NLRP11: variants seen among roughly 807,000 people sequenced by gnomAD.
The protein encoded by NLRP11 is NACHT, LRR and PYD domains-containing protein 11.
A neutral mutation model predicts 79.3 loss-of-function variants in NLRP11; 53 were observed. That is an observed-to-expected ratio of 0.67 (90% CI 0.54 to 0.84). The LOEUF (loss-of-function observed/expected upper bound fraction) is 0.84. NLRP11 is among the 40% of genes least tolerant of loss of function. NLRP11 has a pLI of 0.00. For synonymous variants in NLRP11, 518 were observed against 462.6 expected (o/e 1.12, Z -1.54); for missense variants, 1,264 against 1,255.0 (o/e 1.01, Z -0.11).
chr19:55,804,318 G>GT (rs1230023247), intron 4 of NLRP11, among the ~76,000 whole-genome samples: 1 of 152,164 alleles, frequency 6.6e-6, no homozygotes, highest in Non-Finnish European at 1.5e-5. Flanking sequence ...GCACATGAAT[G>GT]TTCAATGCAG....
intron 2 of NLRP11, among the ~76,000 whole-genome samples, chr19:55,813,910 A>T (rs1311732361): frequency 6.6e-6 from 1 of 152,106 alleles, no homozygotes; most frequent in Non-Finnish European, 1.5e-5. Context: ...TGAAACCCTC[A>T]GTAGATAGTG....
intron 1 of NLRP11, among the ~76,000 whole-genome samples, chr19:55,822,886 A>G (rs1981916979): frequency 6.6e-6 from 1 of 152,226 alleles, no homozygotes; most frequent in Non-Finnish European, 1.5e-5. Flanking sequence ...AGCAGCCAGG[A>G]AGCTGGAACT....
At chr19:55,820,567 G>A (rs550463747) in intron 1 of NLRP11, among the ~76,000 whole-genome samples, 12 of 152,186 alleles carry the variant, frequency 7.9e-5, no homozygotes, top group East Asian at 3.9e-4. Flanking sequence ...GCTGGACTTC[G>A]GAGAGTAATC....
intron 5 of NLRP11, among the ~76,000 whole-genome samples, chr19:55,797,245 G>A (rs1028484470): frequency 3.3e-5 from 5 of 152,040 alleles, no homozygotes. Flanking sequence ...GCTGCAGTGA[G>A]CTATGATCAT....
Position 55,809,103 on chromosome 19 carries a change from T to G in NLRP11, c.1507A>C (p.Arg503=). The change falls in exon 3 of 10, where the codon AGG becomes CGG. Residue 503 remains arginine, a synonymous_variant. Transcript: ENST00000589093. This position sits in a 1 kb window ranked among gnomAD's most constrained non-coding sequence, Gnocchi z 4.5. ...AAGGATGTCTCAAGAATCTTTCTCC[T>G]GTTTGCATTTAGAAGACCAAAAATG... 6.2e-7 allele frequency: 1 copy of G among 1,613,940 alleles called. No homozygotes were observed. The highest frequency in any genetic ancestry group is 1.6e-4 in the Middle Eastern group (1 of 6,062).
chr19:55,830,243 A>G (rs1344037859), intron 1 of NLRP11, among the ~76,000 whole-genome samples: 1 of 151,990 alleles, frequency 6.6e-6, no homozygotes, highest in African/African-American at 2.4e-5. Flanking sequence ...CCCTTCCCCA[A>G]ATTCCCAAAC....
chr19:55,801,374 T>C (rs750453590), intron 5 of NLRP11, among the ~76,000 whole-genome samples, 198 bp downstream of exon 5: 12 of 152,126 alleles, frequency 7.9e-5, no homozygotes, highest in Non-Finnish European at 1.3e-4. Context: ...CCATGTTATA[T>C]GAAATATCAA....
intron 1 of NLRP11, among the ~76,000 whole-genome samples, chr19:55,828,845 G>A (rs1982475855): frequency 6.6e-6 from 1 of 152,090 alleles, no homozygotes; most frequent in African/African-American, 2.4e-5. Flanking sequence ...TGACTCTGGG[G>A]CTTAATAAAA....
At chr19:55,789,936 C>G (rs951905093) in intron 7 of NLRP11, among the ~76,000 whole-genome samples, 1 of 152,202 alleles carries the variant, frequency 6.6e-6, no homozygotes, top group African/African-American at 2.4e-5. Context: ...ACGTCTCCCC[C>G]ATTATCTACT....
chr19:55,835,180 G>T (rs527441676), upstream of NLRP11, among the ~76,000 whole-genome samples: 5 of 152,126 alleles, frequency 3.3e-5, no homozygotes, highest in Non-Finnish European at 5.9e-5. Flanking sequence ...CATCACCATC[G>T]TAACACTGAA....
chr19:55,824,244 A>C (rs1394437752), intron 1 of NLRP11, among the ~76,000 whole-genome samples: 6 of 147,122 alleles, frequency 4.1e-5, no homozygotes, highest in African/African-American at 1.5e-4. Flanking sequence ...GGCCTGCCCT[A>C]AAAGAGCTCC....
At chr19:55,801,773 G>A (rs1979507223) in intron 4 of NLRP11, 34 bp from the exon 5 acceptor site, 1 of 1,589,190 alleles carries the variant, frequency 6.3e-7, no homozygotes, top group Non-Finnish European at 8.6e-7. Flanking sequence ...AAGCACTAGT[G>A]AAGGTCTGAA....
Position 55,785,586 on chromosome 19 carries a change from GTAGTAATT to G in NLRP11, c.*31_*38del, listed in dbSNP as rs1989820412. On this transcript the variant is annotated 3_prime_UTR_variant, in exon 10 of 10. Coordinates refer to ENST00000589093, the Ensembl canonical transcript of NLRP11. ...CTAATTCTCTTGCATCCCAGTCACG[GTAGTAATT>G]TATAATAAATACTGTTTACGTACAA... The G allele has an allele frequency of 1.9e-6, 3 of 1,568,304 alleles. No homozygotes were observed. The East Asian group carries it at 6.8e-5, about 35-fold the overall frequency.
chr19:55,823,247 C>G (rs1200153185), intron 1 of NLRP11, among the ~76,000 whole-genome samples: 2 of 138,574 alleles, frequency 1.4e-5, no homozygotes, highest in Non-Finnish European at 3.1e-5. Context: ...GACATCCACA[C>G]CGAAAACCCA....
chr19:55,792,417 A>G (rs1303292866), exon 7 of NLRP11: 1 of 1,613,976 alleles, frequency 6.2e-7, no homozygotes, highest in Admixed American at 1.7e-5. Context: ...GGCTGAACAG[A>G]AGCACTCTTC....
In NLRP11 at chr19:55,785,493, TCACACACACACACACACACA is replaced by T. The variant is rs878891245; in HGVS notation, c.*112_*131del. 1.6e-3 allele frequency: 671 copies of T among 424,648 alleles called. 4 individuals are homozygous for T. The highest frequency in any genetic ancestry group is 0.011 in the African/African-American group (502 of 46,924). 26.3% of individuals were successfully genotyped at this position (424,648 alleles called of 1,614,324 possible). On this transcript the variant is annotated 3_prime_UTR_variant, in exon 10 of 10. Coordinates refer to ENST00000589093, the Ensembl canonical transcript of NLRP11. ...TTTGAAGTGGTTGACTGGATCAAGG[TCACACACACACACACACACA>T]CACACACACACACACACACACACAC... is the stretch of plus-strand genomic sequence containing the variant.
chr19:55,822,502 C>T lies in NLRP11; in HGVS notation c.-62-4266G>A, dbSNP rs992229647. Among the ~76,000 whole-genome samples, 14 of 152,176 alleles carry T rather than the reference C, an allele frequency of 9.2e-5. No homozygotes were observed. In the South Asian group the frequency reaches 1.5e-3, roughly 16 times the overall value. On this transcript the variant is annotated intron_variant, in intron 1 of 9. Coordinates refer to ENST00000589093, the Ensembl canonical transcript of NLRP11. ...ATTTCCGCATTTCCATCTGAGGTAC[C>T]GGGTTCATCTCACTAGGGAGTGCCA...
At chr19:55,799,836 A>G (rs1217082416) in intron 5 of NLRP11, among the ~76,000 whole-genome samples, 1 of 152,072 alleles carries the variant, frequency 6.6e-6, no homozygotes, top group African/African-American at 2.4e-5. Flanking sequence ...ACGTGGTGGC[A>G]AGCTCTTGTA....
intron 5 of NLRP11, among the ~76,000 whole-genome samples, chr19:55,800,264 C>T (rs1249323383): frequency 6.6e-6 from 1 of 152,172 alleles, no homozygotes; most frequent in Non-Finnish European, 1.5e-5. Context: ...GACTGAGGCA[C>T]TGGATTGTTA....
Sources: gnomAD v4.1 joint callset for allele counts (sites outside exome capture counted in the v4.1 genomes callset) on GRCh38, gnomAD v4.1.1 for gene constraint, Gnocchi (gnomAD v3.1) non-coding constraint, MANE v1.5 for transcripts, NCBI Gene and HGNC (gene_info 2026-07-23, HGNC 2026-07-21) for gene names.